The following APC variants were observed in gnomAD, a reference collection of about 807,000 sequenced individuals.
The protein encoded by APC is APC regulator of Wnt signaling pathway, also known as adenomatous polyposis coli protein.
APC carries 72 observed loss-of-function variants against 247.0 expected under a neutral mutation model. That is an observed-to-expected ratio of 0.29 (90% CI 0.24 to 0.35). APC has a LOEUF of 0.35. Among genes scored for constraint, APC ranks in the 10% least tolerant of loss-of-function variants. APC has a pLI of 1.00. For synonymous variants in APC, 1,254 were observed against 1,162.5 expected (o/e 1.08, Z -1.60); for missense variants, 3,400 against 3,360.7 (o/e 1.01, Z -0.29).
At chr5:112,718,051 C>T (rs1378273299) in intron 1 of APC, among the ~76,000 whole-genome samples, 1 of 148,916 alleles carries the variant, frequency 6.7e-6, no homozygotes, top group Non-Finnish European at 1.5e-5. Context: ...CAGTAAATAC[C>T]TAATTTAGGT....
At chr5:112,826,255 G>A (rs1214706875) in intron 11 of APC, among the ~76,000 whole-genome samples, 1 of 152,252 alleles carries the variant, frequency 6.6e-6, no homozygotes, top group East Asian at 1.9e-4. Flanking sequence ...TGAGTCCCGT[G>A]ATGATTAATA....
rs538632498 is a variant in APC at position 112,845,165 on chromosome 5, G to A, written c.*1039G>A. The stretch of plus-strand genomic sequence containing the variant: ...CTGTTGCCACTTAACCATTCCATGC[G>A]TTGGCACTTATCTATTCCTGAAATT... On this transcript the variant is annotated 3_prime_UTR_variant, in exon 16 of 16. Transcript: ENST00000257430. The A allele has an allele frequency of 2.6e-5, 6 of 232,398 alleles. No individual in the cohort carries two copies. In the East Asian group the frequency reaches 3.7e-4, roughly 14 times the overall value. The allele number at this position is 232,398 out of a possible 1,614,324, so 14.4% of individuals were successfully genotyped here.
intron 7 of APC, among the ~76,000 whole-genome samples, chr5:112,796,533 C>A (rs1383530062): frequency 6.6e-6 from 1 of 151,912 alleles, no homozygotes; most frequent in African/African-American, 2.4e-5. Context: ...CTGTCTTAAG[C>A]AAATATAAGT....
At chr5:112,732,048 C>T (rs1219207899) in intron 1 of APC, among the ~76,000 whole-genome samples, 2 of 152,236 alleles carry the variant, frequency 1.3e-5, no homozygotes, top group African/African-American at 4.8e-5. Context: ...AGGCATGAGC[C>T]ATTGCACATG....
chr5:112,836,174 C>A lies in APC; in HGVS notation c.1958+1009C>A, dbSNP rs894003600. ...TAGCTGGGATTACAGGTCCCCCCCC[C>A]CCCCCGCCACCGTGCCCGGCTAATT... On this transcript the variant is annotated intron_variant, in intron 15 of 15. Transcript: ENST00000257430. Among the ~76,000 whole-genome samples, 13 of 76,594 alleles carry A rather than the reference C, an allele frequency of 1.7e-4. 2 individuals carry two copies. The highest frequency in any genetic ancestry group is 2.0e-3 in the South Asian group (2 of 1,002). 50.2% of individuals were successfully genotyped at this position (76,594 alleles called of 152,430 possible). A position where few individuals can be genotyped will look rare whatever the true frequency, so the allele number is the denominator to read the frequency against.
rs75165325 is a variant in APC at position 112,805,456 on chromosome 5, G to A, written c.834+4073G>A. On this transcript the variant is annotated intron_variant, in intron 8 of 15. Coordinates refer to ENST00000257430, the MANE Select transcript of APC (RefSeq NM_000038.6). ...TGAATTCAGAGGTAAACATAAGTAT[G>A]TTTGTTTAGCAGTAGCAATCATAGA... Among the ~76,000 whole-genome samples the A allele has an allele frequency of 6.7e-3, 1,021 of 152,276 alleles. 18 individuals carry two copies. In the East Asian group the frequency reaches 0.079, roughly 12 times the overall value.
At chr5:112,804,403 A>C (rs1055167531) in intron 8 of APC, among the ~76,000 whole-genome samples, 4 of 151,864 alleles carry the variant, frequency 2.6e-5, no homozygotes, top group African/African-American at 9.7e-5. Context: ...TTTTTTTTGG[A>C]GACAGAGTCT....
At chr5:112,785,353 A>G (rs1353605035) in intron 6 of APC, among the ~76,000 whole-genome samples, 2 of 152,216 alleles carry the variant, frequency 1.3e-5, no homozygotes, top group Non-Finnish European at 2.9e-5. Flanking sequence ...TAAGATACAT[A>G]CAAAAATCAG....
chr5:112,747,862 A>G lies in APC; in HGVS notation c.-18-7011A>G, dbSNP rs116084649. On this transcript the variant is annotated intron_variant, in intron 1 of 15. Coordinates refer to ENST00000257430, the MANE Select transcript of APC (RefSeq NM_000038.6). ...TAATTTTAGTATTAGGAATTTCTCA[A>G]TGGCCTTTGAAATTATTTGGGTTAC... Among the ~76,000 whole-genome samples, 799 of 152,318 alleles carry G rather than the reference A, an allele frequency of 5.2e-3. 4 individuals are homozygous for G. Among genetic ancestry groups the G allele is most frequent in the African/African-American group, 0.018 (758 of 41,574 alleles).
intron 1 of APC, among the ~76,000 whole-genome samples, chr5:112,745,909 T>C (rs1266323827): frequency 6.6e-6 from 1 of 152,108 alleles, no homozygotes; most frequent in Non-Finnish European, 1.5e-5. Context: ...AATAAGAGGA[T>C]ATAATTAGTA....
chr5:112,737,990 G>T, intron 1 of APC, 65 bp downstream of exon 1: 10 of 943,888 alleles, frequency 1.1e-5, no homozygotes, highest in Non-Finnish European at 1.1e-5. Context: ...GTTTTCCCTC[G>T]CACTGTCTTA....
At chr5:112,762,934 A>C (rs532395746) in intron 2 of APC, among the ~76,000 whole-genome samples, 3 of 152,330 alleles carry the variant, frequency 2.0e-5, no homozygotes, top group Admixed American at 6.5e-5. Flanking sequence ...GTATCATCTT[A>C]AGGCAAAGTA....
intron 7 of APC, among the ~76,000 whole-genome samples, chr5:112,797,803 G>GGT (rs1760372080): frequency 6.6e-6 from 1 of 152,082 alleles, no homozygotes; most frequent in South Asian, 2.1e-4. Context: ...CACCACAGAA[G>GGT]GTATATATAG....
intron 4 of APC, 135 bp downstream of exon 4, chr5:112,767,525 GAT>G (rs1163262570): frequency 4.3e-6 from 3 of 691,372 alleles, no homozygotes; most frequent in Non-Finnish European, 7.3e-6. Flanking sequence ...TAAACTCAAA[GAT>G]AGCATGTTAT....
intron 7 of APC, 39 bp downstream of exon 7, chr5:112,792,568 A>G: frequency 7.0e-7 from 1 of 1,422,350 alleles, no homozygotes; most frequent in Non-Finnish European, 9.9e-7. Flanking sequence ...GTATAAAAAT[A>G]GGTAGTTATT....
intron 1 of APC, among the ~76,000 whole-genome samples, chr5:112,721,802 TG>T (rs1394339662): frequency 6.6e-6 from 1 of 152,188 alleles, no homozygotes; most frequent in South Asian, 2.1e-4. Flanking sequence ...TTGGCTTCCT[TG>T]GGCCTCGTTG....
rs367577259 is a variant in APC at position 112,840,980 on chromosome 5, A to G, written c.5386A>G (p.Lys1796Glu). The G allele has an allele frequency of 1.4e-5, 23 of 1,612,650 alleles. No individual in the cohort carries two copies. The highest frequency in any genetic ancestry group is 2.0e-5 in the Non-Finnish European group (23 of 1,179,184). ...ACGTGTAAGAAAAAATGCAGACTCA[A>G]AAAATAATTTAAATGCTGAGAGAGT... The part of the protein sequence containing the change: ...RTRVRKNADS[K>E]NNLNAERVFS... The change falls in exon 16 of 16, where the codon AAA (lysine) becomes GAA (glutamate). Residue 1796 changes from lysine to glutamate, a missense_variant. This residue lies in a region of APC where 1,788 missense variants were observed against 1,649.5 expected (regional missense o/e 1.08). Coordinates refer to ENST00000257430, the MANE Select transcript of APC (RefSeq NM_000038.6). This position sits in a 1 kb window ranked among gnomAD's most constrained non-coding sequence, Gnocchi z 4.1.
In APC at chr5:112,755,040, A is replaced by T; in HGVS notation, c.135+15A>T. The stretch of plus-strand genomic sequence containing the variant: ...CTAATATGAAGGTATCAAGACTGTG[A>T]CTTTTAATTGTAGTTTATCCATTTT... On this transcript the variant is annotated intron_variant, in intron 2 of 15. Transcript: ENST00000257430. 6.2e-7 allele frequency: 1 copy of T among 1,613,088 alleles called. No homozygotes were observed. The highest frequency in any genetic ancestry group is 8.5e-7 in the Non-Finnish European group (1 of 1,179,336).
intron 15 of APC, 131 bp downstream of exon 15, chr5:112,835,296 C>A: frequency 1.2e-6 from 1 of 801,590 alleles, no homozygotes; most frequent in Non-Finnish European, 2.0e-6. Context: ...GAAAAGATAA[C>A]TACTAACTCT....
Sources: gnomAD v4.1 joint callset for allele counts (sites outside exome capture counted in the v4.1 genomes callset) on GRCh38, gnomAD v4.1.1 for gene constraint, gnomAD v4.1.1 regional missense constraint, Gnocchi (gnomAD v3.1) non-coding constraint, MANE v1.5 for transcripts, NCBI Gene and HGNC (gene_info 2026-07-23, HGNC 2026-07-21) for gene names.